Variants in CDC45 observed in about 807,000 individuals in gnomAD.
CDC45 encodes the protein cell division cycle 45.
A neutral mutation model predicts 77.8 loss-of-function variants in CDC45; 54 were observed. That is an observed-to-expected ratio of 0.69 (90% CI 0.56 to 0.87). The LOEUF is 0.87. CDC45 is among the 40% of genes least tolerant of loss of function. CDC45 has a pLI of 0.00. For synonymous variants in CDC45, 260 were observed against 272.1 expected (o/e 0.96, Z 0.44); for missense variants, 649 against 721.6 (o/e 0.90, Z 1.15).
rs1198413149 is a variant in CDC45, at chr22:19,507,829, G to A, written c.1020G>A (p.Leu340=). 6.2e-7 allele frequency: 1 copy of A among 1,600,176 alleles called. No individual in the cohort carries two copies. Among genetic ancestry groups the A allele is most frequent in the Non-Finnish European group, 8.5e-7 (1 of 1,176,052 alleles). Residue 340 remains leucine, a synonymous_variant, in exon 12 of 19, where the codon TTG becomes TTA. Transcript: ENST00000263201. ...QAMDISLKEN[L]REMIEESANK... ...TGGACATCTCCTTGAAGGAGAATTT[G>A]CGGGAAATGATTGAAGAGTCTGCAA...
intron 9 of CDC45, among the ~76,000 whole-genome samples, chr22:19,500,036 G>A (rs1053101151): frequency 2.6e-5 from 4 of 152,216 alleles, no homozygotes; most frequent in Non-Finnish European, 5.9e-5. Flanking sequence ...CTGGAGCTAC[G>A]GCCTGGACAG....
rs552419202 is a variant in CDC45 at position 19,515,847 on chromosome 22, T to C, written c.1441-680T>C. On this transcript the variant is annotated intron_variant, in intron 15 of 18. Transcript: ENST00000263201. The stretch of plus-strand genomic sequence containing the variant: ...GAAATGGGTGAACACATACCCACTT[T>C]ACAGGATCCATTCATTTACCAGACA... Among the ~76,000 whole-genome samples the C allele has an allele frequency of 4.6e-5, 7 of 152,306 alleles. No individual in the cohort carries two copies. In the East Asian group the frequency reaches 7.7e-4, roughly 17 times the overall value.
chr22:19,490,249 A>G (rs2090133596), intron 5 of CDC45, among the ~76,000 whole-genome samples: 1 of 152,180 alleles, frequency 6.6e-6, no homozygotes, highest in Admixed American at 6.5e-5. Context: ...CTATCTCTTA[A>G]TTGATAAACT....
At chr22:19,515,839 A>C (rs1296283783) in intron 15 of CDC45, among the ~76,000 whole-genome samples, 1 of 152,146 alleles carries the variant, frequency 6.6e-6, no homozygotes, top group African/African-American at 2.4e-5. Context: ...GTGAACACAT[A>C]CCCACTTTAC....
chr22:19,507,536 C>T lies in CDC45; in HGVS notation c.956+19C>T. ...ACATGGGGTGAGTGACTGCCTGGGC[C>T]TCTGCAGTGCCAGCCCTGGCCACCC... is the stretch of plus-strand genomic sequence containing the variant. On this transcript the variant is annotated intron_variant, in intron 11 of 18. Transcript: ENST00000263201. 6 of 1,613,548 alleles carry T rather than the reference C, an allele frequency of 3.7e-6. No individual in the cohort carries two copies. Among genetic ancestry groups the T allele is most frequent in the Middle Eastern group, 1.7e-4 (1 of 6,058 alleles).
intron 13 of CDC45, among the ~76,000 whole-genome samples, chr22:19,509,317 C>A (rs181987247): frequency 2.0e-5 from 3 of 152,186 alleles, no homozygotes; most frequent in African/African-American, 7.2e-5. Flanking sequence ...GAGAAGTTCA[C>A]GAAAGCTAGC....
At chr22:19,488,924 C>T (rs905401133) in intron 5 of CDC45, among the ~76,000 whole-genome samples, 1 of 152,070 alleles carries the variant, frequency 6.6e-6, no homozygotes, top group Non-Finnish European at 1.5e-5. Flanking sequence ...TATAATATCA[C>T]GGTCAGGATG....
At chr22:19,490,292 T>A (rs1363442724) in intron 5 of CDC45, among the ~76,000 whole-genome samples, 3 of 152,196 alleles carry the variant, frequency 2.0e-5, no homozygotes, top group African/African-American at 7.2e-5. Context: ...GTTACTGACA[T>A]GTTAGGGCTT....
At chr22:19,498,488 C>T (rs2090283838) in intron 8 of CDC45, among the ~76,000 whole-genome samples, 1 of 152,194 alleles carries the variant, frequency 6.6e-6, no homozygotes. Context: ...GTGGGCTGGC[C>T]GTCATGCTGG....
chr22:19,514,786 G>A lies in CDC45; in HGVS notation c.1255G>A (p.Ala419Thr), dbSNP rs750837444. 15 of 1,613,794 alleles carry A rather than the reference G, an allele frequency of 9.3e-6. No individual in the cohort carries two copies. Among genetic ancestry groups the A allele is most frequent in the Admixed American group, 1.7e-5 (1 of 60,018 alleles). The change falls in exon 14 of 19, where the codon GCC becomes ACC. Residue 419 changes from alanine to threonine, a missense_variant. Ala to Thr is a moderately conservative substitution (Grantham distance 58). Transcript: ENST00000263201. The part of the protein sequence containing the change: ...LDKLYHGLEL[A>T]KKQLRATQQT... ...CAAGCTGTACCATGGCCTGGAACTC[G>A]CCAAGAAGCAGCTGCGAGCCACCCA...
intron 4 of CDC45, 109 bp from the exon 5 acceptor site, chr22:19,483,753 A>C (rs2090021402): frequency 9.2e-7 from 1 of 1,089,642 alleles, no homozygotes; most frequent in African/African-American, 1.6e-5. Context: ...TTGTATGAAC[A>C]GGAAACTGAG....
Position 19,516,942 on chromosome 22 carries a change from G to A in CDC45, c.1636+49G>A, listed in dbSNP as rs772825682. 2.0e-6 allele frequency: 3 copies of A among 1,496,550 alleles called. No homozygotes were observed. The East Asian group carries it at 6.8e-5, about 34-fold the overall frequency. The allele number at this position is 1,496,550 out of a possible 1,614,324, so 92.7% of individuals were successfully genotyped here. A position where few individuals can be genotyped will look rare whatever the true frequency, so the allele number is the denominator to read the frequency against. On this transcript the variant is annotated intron_variant, in intron 17 of 18. Transcript: ENST00000263201. ...CACACTTTCCCACCTGACCCTTTGAGGCTATTGCAGGCCCTGGAACCAAGC... is the reference window on the plus strand; with the variant it reads ...CACACTTTCCCACCTGACCCTTTGAAGCTATTGCAGGCCCTGGAACCAAGC...
chr22:19,497,073 T>A (rs1312048573), intron 7 of CDC45, among the ~76,000 whole-genome samples: 1 of 152,126 alleles, frequency 6.6e-6, no homozygotes, highest in Non-Finnish European at 1.5e-5. Flanking sequence ...CACAGGGAGA[T>A]ACAAAGAGGC....
chr22:19,515,554 T>C (rs1933739095), intron 15 of CDC45, among the ~76,000 whole-genome samples: 1 of 152,196 alleles, frequency 6.6e-6, no homozygotes, highest in Non-Finnish European at 1.5e-5. Flanking sequence ...GAAGTCCTCC[T>C]CTGCTTCGAG....
chr22:19,507,798 A>G lies in CDC45; in HGVS notation c.989A>G (p.Gln330Arg), dbSNP rs1429579611. ...LPLKQVKQKF[Q>R]AMDISLKENL... is the part of the protein sequence containing the mutation. ...CTGAAGCAGGTGAAGCAGAAGTTCC[A>G]GGCCATGGACATCTCCTTGAAGGAG... Residue 330 changes from glutamine (Q) to arginine (R), a missense_variant, in exon 12 of 19, where the codon CAG becomes CGG. By Grantham distance (43) the Gln-to-Arg change is conservative. Transcript: ENST00000263201. The G allele has an allele frequency of 1.2e-6, 2 of 1,601,754 alleles. No homozygotes were observed. The highest frequency in any genetic ancestry group is 1.7e-6 in the Non-Finnish European group (2 of 1,175,736).
intron 9 of CDC45, among the ~76,000 whole-genome samples, chr22:19,503,267 G>C (rs181357151): frequency 6.6e-6 from 1 of 152,120 alleles, no homozygotes; most frequent in Non-Finnish European, 1.5e-5. Context: ...GAAGATGTAC[G>C]TCTCTTGTCT....
At position 19,499,157 on chromosome 22, in the gene CDC45, G is replaced by A. The variant is rs1568924512; in HGVS notation, c.704+6G>A. The A allele has an allele frequency of 6.2e-7, 1 of 1,613,944 alleles. No individual in the cohort carries two copies. Among genetic ancestry groups the A allele is most frequent in the East Asian group, 2.2e-5 (1 of 44,854 alleles). On this transcript the variant is annotated splice_donor_region_variant and intron_variant, in intron 9 of 18. Coordinates refer to ENST00000263201, the MANE Select transcript of CDC45 (RefSeq NM_003504.5). ...GTGCAAGACAAGATCACTCAGTAAG[G>A]ACACACTCCCTTGCCTTGCAGGGTC...
chr22:19,519,906 C>T (rs1444700527), intron 18 of CDC45, among the ~76,000 whole-genome samples: 2 of 152,128 alleles, frequency 1.3e-5, no homozygotes, highest in Non-Finnish European at 2.9e-5. Flanking sequence ...GTAGGGTCAT[C>T]AGCAGTGACC....
At chr22:19,502,948 G>A (rs921097755) in intron 9 of CDC45, among the ~76,000 whole-genome samples, 4 of 151,890 alleles carry the variant, frequency 2.6e-5, no homozygotes, top group Non-Finnish European at 5.9e-5. Flanking sequence ...GCACTTTGTC[G>A]GGGGTGGGAG....
Sources: gnomAD v4.1 joint callset for allele counts (sites outside exome capture counted in the v4.1 genomes callset) on GRCh38, gnomAD v4.1.1 for gene constraint, MANE v1.5 for transcripts, NCBI Gene and HGNC (gene_info 2026-07-23, HGNC 2026-07-21) for gene names.